PLEKHB2: variants seen among roughly 807,000 people sequenced by gnomAD.
PLEKHB2 encodes pleckstrin homology domain-containing family B member 2.
In PLEKHB2, 31 loss-of-function variants were observed where a neutral mutation model predicts 36.5. The ratio of observed to expected loss-of-function variants is 0.85; its 90% confidence interval spans 0.64 to 1.15. The LOEUF is 1.15. PLEKHB2 is among the 50% of genes most tolerant of loss of function. The pLI is 0.00. For missense variants in PLEKHB2, 262 were observed against 295.3 expected (o/e 0.89, Z 0.83); for synonymous variants, 119 against 112.0 (o/e 1.06, Z -0.39).
At chr2:131,111,098 G>C (rs370253405) in intron 1 of PLEKHB2, among the ~76,000 whole-genome samples, 2 of 151,886 alleles carry the variant, frequency 1.3e-5, no homozygotes, top group African/African-American at 4.8e-5. Context: ...TCCGTCTCCC[G>C]GGTTCAAGTG....
intron 7 of PLEKHB2, 114 bp from the exon 8 acceptor site, chr2:131,146,523 G>T: frequency 9.2e-7 from 1 of 1,083,510 alleles, no homozygotes; most frequent in Non-Finnish European, 1.3e-6. Flanking sequence ...GGGCTGGGTC[G>T]CCAGTGTGAC....
At chr2:131,135,259 G>T (rs139519167) in intron 6 of PLEKHB2, among the ~76,000 whole-genome samples, 1 of 151,896 alleles carries the variant, frequency 6.6e-6, no homozygotes, top group African/African-American at 2.4e-5. Flanking sequence ...GTAGAGATGG[G>T]GTTTCACCAT....
intron 7 of PLEKHB2, among the ~76,000 whole-genome samples, chr2:131,142,547 T>A (rs1386797774): frequency 1.3e-5 from 2 of 151,994 alleles, no homozygotes; most frequent in African/African-American, 4.8e-5. Context: ...TCTTATTGAA[T>A]ATGCATTAGA....
At chr2:131,136,438 G>C (rs1698266247) in intron 6 of PLEKHB2, among the ~76,000 whole-genome samples, 1 of 151,230 alleles carries the variant, frequency 6.6e-6, no homozygotes. Context: ...TTGAACTCCT[G>C]GCCTCAAACA....
chr2:131,131,292 T>G (rs1047127993), intron 5 of PLEKHB2, among the ~76,000 whole-genome samples: 2 of 152,232 alleles, frequency 1.3e-5, no homozygotes, highest in African/African-American at 2.4e-5. Flanking sequence ...CTAGAAATGC[T>G]TGTATTTCTC....
intron 6 of PLEKHB2, among the ~76,000 whole-genome samples, chr2:131,139,512 G>A (rs970858243): frequency 4.6e-5 from 7 of 152,214 alleles, no homozygotes; most frequent in South Asian, 2.1e-4. Context: ...AGTTGTGCAA[G>A]TATGTCTGAT....
chr2:131,138,072 G>A (rs1190500776), intron 6 of PLEKHB2, among the ~76,000 whole-genome samples: 1 of 141,532 alleles, frequency 7.1e-6, no homozygotes, highest in Non-Finnish European at 1.5e-5. Flanking sequence ...TGCTCTGATT[G>A]GGTAATTTCT....
intron 6 of PLEKHB2, among the ~76,000 whole-genome samples, chr2:131,136,399 A>G (rs1698261912): frequency 6.6e-6 from 1 of 151,472 alleles, no homozygotes; most frequent in African/African-American, 2.4e-5. Context: ...TTGTAGAGAC[A>G]GGGTCTTGTT....
chr2:131,113,547 C>G (rs1275357917), intron 1 of PLEKHB2, among the ~76,000 whole-genome samples: 1 of 152,090 alleles, frequency 6.6e-6, no homozygotes, highest in Non-Finnish European at 1.5e-5. Context: ...TACTGAAAAG[C>G]TGATTGGAAG....
rs76019946 is a variant in PLEKHB2, at chr2:131,149,712, T to C, written c.*2939T>C. ...ATGCAGTTCCACTTTCTCCCCAGAG[T>C]TGATCTTTTTGTGATTGCTTTCCCG... On this transcript the variant is annotated 3_prime_UTR_variant, in exon 8 of 8. Coordinates refer to ENST00000693505, the MANE Select transcript of PLEKHB2 (RefSeq NM_001100623.2). 1 of 152,198 alleles carries C rather than the reference T, an allele frequency of 6.6e-6. No individual in the cohort carries two copies. Among genetic ancestry groups the C allele is most frequent in the Non-Finnish European group, 1.5e-5 (1 of 68,042 alleles). The allele number at this position is 152,198 out of a possible 1,614,324, so 9.4% of individuals were successfully genotyped here. A position where few individuals can be genotyped will look rare whatever the true frequency, so the allele number is the denominator to read the frequency against.
intron 2 of PLEKHB2, among the ~76,000 whole-genome samples, chr2:131,123,799 C>T (rs1453330007): frequency 3.3e-5 from 4 of 122,346 alleles, no homozygotes; most frequent in Admixed American, 8.3e-5. Context: ...CCCCCGCCCT[C>T]GGCCTCCCAA....
chr2:131,134,417 T>C (rs917267900), intron 6 of PLEKHB2, among the ~76,000 whole-genome samples: 3 of 152,220 alleles, frequency 2.0e-5, no homozygotes, highest in Non-Finnish European at 4.4e-5. Flanking sequence ...AGCCCAAGTT[T>C]CCTAAGATTT....
At chr2:131,119,213 G>A (rs1026544400) in intron 1 of PLEKHB2, among the ~76,000 whole-genome samples, 3 of 151,892 alleles carry the variant, frequency 2.0e-5, no homozygotes, top group Non-Finnish European at 2.9e-5. Flanking sequence ...CTGAGATCGC[G>A]CCACTGCACT....
intron 5 of PLEKHB2, among the ~76,000 whole-genome samples, chr2:131,132,327 G>C (rs534039555): frequency 1.3e-5 from 2 of 151,964 alleles, no homozygotes; most frequent in East Asian, 3.9e-4. Context: ...TATTTTTTTG[G>C]AGACAGTCTC....
chr2:131,145,575 TC>T (rs1699200828), intron 7 of PLEKHB2, among the ~76,000 whole-genome samples: 1 of 152,078 alleles, frequency 6.6e-6, no homozygotes, highest in African/African-American at 2.4e-5. Flanking sequence ...CCTCAAGTGA[TC>T]CACCTGCCTC....
Position 131,148,021 on chromosome 2 carries a change from G to C in PLEKHB2, c.*1248G>C, listed in dbSNP as rs901961602. On this transcript the variant is annotated 3_prime_UTR_variant, in exon 8 of 8. Transcript: ENST00000693505. ...TTTCTGGCCTTTGGGGGTTTGCACT[G>C]TGCGGGAGATGCTCTCTCATCACTC... is the stretch of plus-strand genomic sequence containing the variant. 1 of 152,310 alleles carries C rather than the reference G, an allele frequency of 6.6e-6. No individual in the cohort carries two copies. The highest frequency in any genetic ancestry group is 2.4e-5 in the African/African-American group (1 of 41,420). 9.4% of individuals were successfully genotyped at this position (152,310 alleles called of 1,614,324 possible).
At chr2:131,120,709 G>A (rs542808407) in intron 1 of PLEKHB2, 1 of 608,284 alleles carries the variant, frequency 1.6e-6, no homozygotes, top group African/African-American at 1.8e-5. Context: ...GGTGGGCTGG[G>A]TGGTGAGGCT....
chr2:131,131,858 C>T (rs910189811), intron 5 of PLEKHB2, among the ~76,000 whole-genome samples: 1 of 144,562 alleles, frequency 6.9e-6, no homozygotes, highest in African/African-American at 2.6e-5. Context: ...TTTTTTGAGA[C>T]AGTCTCACTC....
chr2:131,142,479 CT>C lies in PLEKHB2; in HGVS notation c.532+2213del, dbSNP rs999337199. Among the ~76,000 whole-genome samples, 4 of 149,382 alleles carry C rather than the reference CT, an allele frequency of 2.7e-5. No individual in the cohort carries two copies. In the East Asian group the frequency reaches 7.8e-4, roughly 29 times the overall value. Reference sequence around the variant, plus strand: ...CCAGTATTGGCTGTTTTTTTCCTCTCTTTTTTTTTGCTATTGTAGATACTTC... The same window carrying C: ...CCAGTATTGGCTGTTTTTTTCCTCTCTTTTTTTTGCTATTGTAGATACTTC... On this transcript the variant is annotated intron_variant, in intron 7 of 7. Coordinates refer to ENST00000693505, the MANE Select transcript of PLEKHB2 (RefSeq NM_001100623.2).
Sources: gnomAD v4.1 joint callset for allele counts (sites outside exome capture counted in the v4.1 genomes callset) on GRCh38, gnomAD v4.1.1 for gene constraint, MANE v1.5 for transcripts, NCBI Gene and HGNC (gene_info 2026-07-23, HGNC 2026-07-21) for gene names.